ITIH2: variants seen among roughly 807,000 people sequenced by gnomAD.
ITIH2 encodes the protein inter-alpha-trypsin inhibitor heavy chain 2, also known as inter-alpha-trypsin inhibitor heavy chain H2.
In ITIH2, 103 loss-of-function variants were observed where a neutral mutation model predicts 104.4. That is an observed-to-expected ratio of 0.99 (90% CI 0.84 to 1.16). The LOEUF (loss-of-function observed/expected upper bound fraction) is 1.16. ITIH2 is among the 50% of genes most tolerant of loss of function. The pLI, the probability that ITIH2 is intolerant of heterozygous loss-of-function variation, is 0.00. For missense variants in ITIH2, 1,108 were observed against 1,162.4 expected (o/e 0.95, Z 0.68); for synonymous variants, 436 against 435.4 (o/e 1.00, Z -0.02).
At position 7,744,116 on chromosome 10, in the gene ITIH2, G is replaced by A; in HGVS notation, c.2244G>A (p.Lys748=). The A allele has an allele frequency of 6.2e-7, 1 of 1,614,022 alleles. No homozygotes were observed. Among genetic ancestry groups the A allele is most frequent in the South Asian group, 1.1e-5 (1 of 91,070 alleles). ...IVVNGQLVGA[K]KPNNGKLSTY... ...TCAACGGTCAGCTTGTTGGTGCCAA[G>A]AAGCCCAACAATGGAAAACTAAGCA... Residue 748 remains lysine (K), a synonymous_variant, in exon 18 of 21, where the codon AAG becomes AAA. Coordinates refer to ENST00000358415, the MANE Select transcript of ITIH2 (RefSeq NM_002216.3).
intron 2 of ITIH2, among the ~76,000 whole-genome samples, chr10:7,705,989 AG>A (rs1169278080): frequency 1.3e-5 from 2 of 152,192 alleles, no homozygotes; most frequent in Non-Finnish European, 2.9e-5. Context: ...AACACCAGGA[AG>A]GGCTTGGCTT....
At chr10:7,711,747 C>T (rs1170274437) in intron 4 of ITIH2, among the ~76,000 whole-genome samples, 1 of 152,212 alleles carries the variant, frequency 6.6e-6, no homozygotes, top group African/African-American at 2.4e-5. Context: ...AGCTGTCCCT[C>T]ATATTGCAGG....
chr10:7,729,426 G>A (rs1442779241), intron 11 of ITIH2, among the ~76,000 whole-genome samples: 3 of 152,054 alleles, frequency 2.0e-5, no homozygotes, highest in Admixed American at 6.6e-5. Context: ...AGTTTCTTGT[G>A]TATCTTTCCA....
intron 11 of ITIH2, among the ~76,000 whole-genome samples, chr10:7,729,387 C>T (rs1834980659): frequency 6.6e-6 from 1 of 152,042 alleles, no homozygotes; most frequent in Non-Finnish European, 1.5e-5. Flanking sequence ...CCATTCAGTT[C>T]CTGTCCCTGG....
intron 14 of ITIH2, among the ~76,000 whole-genome samples, chr10:7,733,781 A>G (rs1057105579): frequency 7.9e-5 from 12 of 152,202 alleles, no homozygotes; most frequent in African/African-American, 2.9e-4. Context: ...TCTATAAGAC[A>G]GGATTCTCAG....
intron 4 of ITIH2, among the ~76,000 whole-genome samples, chr10:7,710,509 T>C (rs1008209073): frequency 6.6e-6 from 1 of 152,196 alleles, no homozygotes; most frequent in Admixed American, 6.5e-5. Context: ...AGCAAAGTAC[T>C]GTGCATAAAG....
intron 4 of ITIH2, among the ~76,000 whole-genome samples, chr10:7,710,786 A>G (rs1834790228): frequency 6.6e-6 from 1 of 152,196 alleles, no homozygotes; most frequent in African/African-American, 2.4e-5. Flanking sequence ...CAAAGGGAGA[A>G]GGAAAGGCTT....
At position 7,723,527 on chromosome 10, in the gene ITIH2, T is replaced by A. The variant is rs780525067; in HGVS notation, c.944T>A (p.Ile315Asn). 7 of 1,613,848 alleles carry A rather than the reference T, an allele frequency of 4.3e-6. No homozygotes were observed. The Admixed American group carries it at 1.2e-4, about 27-fold the overall frequency. The change falls in exon 9 of 21, where the codon ATC becomes AAC. Residue 315 changes from isoleucine to asparagine, a missense_variant. Coordinates refer to ENST00000358415, the MANE Select transcript of ITIH2 (RefSeq NM_002216.3). ...ATTCCCAAAAACATCCTCTTTGTCA[T>A]CGATGTGAGTGGCTCCATGTGGGGA... ...DPIPKNILFV[I>N]DVSGSMWGVK...
Position 7,703,336 on chromosome 10 carries a change from G to A in ITIH2, c.-99G>A. The A allele has an allele frequency of 3.9e-6, 3 of 769,834 alleles. No homozygotes were observed. The highest frequency in any genetic ancestry group is 6.9e-6 in the Non-Finnish European group (3 of 432,780). The allele number at this position is 769,834 out of a possible 1,614,324, so 47.7% of individuals were successfully genotyped here. ...TTTTTCTTCTTTCTTAAAGCGAACT[G>A]TACTCCTCTGCTGTTCCTTTGAACT... On this transcript the variant is annotated 5_prime_UTR_variant, in exon 1 of 21. Transcript: ENST00000358415.
At chr10:7,716,754 A>G (rs998563025) in intron 5 of ITIH2, among the ~76,000 whole-genome samples, 6 of 150,536 alleles carry the variant, frequency 4.0e-5, no homozygotes, top group East Asian at 3.9e-4. Flanking sequence ...AAAAAAAAAA[A>G]AGAGAAACAT....
intron 19 of ITIH2, among the ~76,000 whole-genome samples, chr10:7,745,487 C>T (rs1404212223): frequency 6.6e-6 from 1 of 152,108 alleles, no homozygotes. Context: ...GGCATGGTGG[C>T]TCGTGCCTGT....
At position 7,729,988 on chromosome 10, in the gene ITIH2, A is replaced by T; in HGVS notation, c.1316A>T (p.Lys439Met). Reference sequence around the variant, plus strand: ...CTGTCAAAAATTCAGAAAAACGTTAAGGAGAACATCCAAGACAATATCTCC... The same window carrying T: ...CTGTCAAAAATTCAGAAAAACGTTATGGAGAACATCCAAGACAATATCTCC... Reference protein sequence around the residue: ...LKLSKIQKNVKENIQDNISLF... With the variant: ...LKLSKIQKNVMENIQDNISLF... Residue 439 changes from lysine to methionine, a missense_variant, in exon 12 of 21, where the codon AAG becomes ATG. Lys to Met is a moderately conservative substitution (Grantham distance 95, BLOSUM62 -1). Transcript: ENST00000358415. The T allele has an allele frequency of 6.2e-7, 1 of 1,609,158 alleles. No individual in the cohort carries two copies. Among genetic ancestry groups the T allele is most frequent in the South Asian group, 1.1e-5 (1 of 89,414 alleles).
chr10:7,740,697 C>T (rs956200261), intron 16 of ITIH2, among the ~76,000 whole-genome samples: 1 of 152,182 alleles, frequency 6.6e-6, no homozygotes, highest in African/African-American at 2.4e-5. Flanking sequence ...GTTAGACAGT[C>T]CTGGAGACAC....
intron 20 of ITIH2, 60 bp downstream of exon 20, chr10:7,746,764 A>G: frequency 1.0e-6 from 1 of 993,276 alleles, no homozygotes; most frequent in South Asian, 1.3e-5. Flanking sequence ...AGACCCACAC[A>G]GCAAAATAGA....
At chr10:7,721,111 C>T in intron 7 of ITIH2, 148 bp downstream of exon 7, 5 of 608,626 alleles carry the variant, frequency 8.2e-6, no homozygotes, top group Non-Finnish European at 1.5e-5. Flanking sequence ...AGCCTAGGGC[C>T]TCCCCAGGAT....
intron 3 of ITIH2, among the ~76,000 whole-genome samples, chr10:7,707,707 G>A (rs1465519587): frequency 6.6e-6 from 1 of 152,110 alleles, no homozygotes; most frequent in African/African-American, 2.4e-5. Flanking sequence ...TGGGATTACA[G>A]GCATATGTCT....
intron 18 of ITIH2, 45 bp from the exon 19 acceptor site, chr10:7,744,746 G>C: frequency 1.3e-6 from 2 of 1,544,590 alleles, no homozygotes; most frequent in Non-Finnish European, 1.8e-6. Flanking sequence ...TTTCTCAAAA[G>C]GTCTGTTCTG....
In ITIH2 at chr10:7,708,011, G is replaced by A. The variant is rs748321153; in HGVS notation, c.192+778G>A. ...GCAAGAAAACAGCCTGAGGACAAGT[G>A]GCTTATGTTGTGCTTCCTGCCCTGA... On this transcript the variant is annotated intron_variant, in intron 3 of 20. Coordinates refer to ENST00000358415, the MANE Select transcript of ITIH2 (RefSeq NM_002216.3). 1.7e-4 allele frequency among the ~76,000 whole-genome samples: 26 copies of A among 152,214 alleles called. No individual in the cohort carries two copies. In the South Asian group the frequency reaches 3.3e-3, roughly 19 times the overall value.
chr10:7,703,633 AT>A, intron 1 of ITIH2, 115 bp downstream of exon 1: 2 of 688,220 alleles, frequency 2.9e-6, no homozygotes, highest in Non-Finnish European at 5.2e-6. Flanking sequence ...TTAAGATAAA[AT>A]TCATCTGAGT....
Sources: gnomAD v4.1 joint callset for allele counts (sites outside exome capture counted in the v4.1 genomes callset) on GRCh38, gnomAD v4.1.1 for gene constraint, MANE v1.5 for transcripts, NCBI Gene and HGNC (gene_info 2026-07-23, HGNC 2026-07-21) for gene names.